Variants in CCDC192 observed in about 807,000 individuals in gnomAD.
CCDC192 encodes the protein coiled-coil domain containing 192, also known as coiled-coil domain-containing protein 192.
At chr5:127,771,601 G>C (rs1482637622) in intron 3 of CCDC192, among the ~76,000 whole-genome samples, 1 of 152,200 alleles carries the variant, frequency 6.6e-6, no homozygotes, top group East Asian at 1.9e-4. Context: ...AGAAATTACA[G>C]GAGCAAAGGC....
chr5:127,907,541 G>A (rs1239316041), intron 6 of CCDC192, among the ~76,000 whole-genome samples: 1 of 152,078 alleles, frequency 6.6e-6, no homozygotes, highest in Admixed American at 6.5e-5. Context: ...GTTAAAGTCT[G>A]ACATCTATTC....
intron 5 of CCDC192, among the ~76,000 whole-genome samples, chr5:127,867,310 G>C (rs1361383221): frequency 6.6e-6 from 1 of 152,172 alleles, no homozygotes; most frequent in Non-Finnish European, 1.5e-5. Flanking sequence ...GCTGGACACA[G>C]AAAAAGCAAA....
chr5:127,847,852 A>AATAC lies in CCDC192; in HGVS notation c.412-27682_412-27679dup, dbSNP rs1554080659. On this transcript the variant is annotated intron_variant, in intron 5 of 6. Transcript: ENST00000514853. Reference sequence around the variant, plus strand: ...AAATAAATAAATAAATAAATAAATAAATACATAAATAAATGCTCACTGCAA... The same window carrying AATAC: ...AAATAAATAAATAAATAAATAAATAAATACATACATAAATAAATGCTCACTGCAA... Among the ~76,000 whole-genome samples, 35 of 151,278 alleles carry AATAC rather than the reference A, an allele frequency of 2.3e-4. No individual in the cohort carries two copies. The East Asian group carries it at 2.7e-3, about 12-fold the overall frequency.
At chr5:127,798,491 A>G (rs1461755740) in intron 5 of CCDC192, among the ~76,000 whole-genome samples, 1 of 152,136 alleles carries the variant, frequency 6.6e-6, no homozygotes, top group East Asian at 1.9e-4. Context: ...GAGATGTGGT[A>G]ATTATTGACC....
chr5:127,725,297 T>C (rs1177648403), intron 2 of CCDC192, among the ~76,000 whole-genome samples: 1 of 152,302 alleles, frequency 6.6e-6, no homozygotes, highest in South Asian at 2.1e-4. Flanking sequence ...TAGGAAATCA[T>C]GATCTAAAGA....
Position 127,799,028 on chromosome 5 carries a change from G to T in CCDC192, c.411+866G>T, listed in dbSNP as rs1486252456. Among the ~76,000 whole-genome samples the T allele has an allele frequency of 7.2e-5, 11 of 152,244 alleles. No individual in the cohort carries two copies. The South Asian group carries it at 1.9e-3, about 26-fold the overall frequency. The stretch of plus-strand genomic sequence containing the variant: ...CAAATGCCTTAGACATCTCCTCAAA[G>T]ACTTGATTGCCATCCTTTTGGTCAT... On this transcript the variant is annotated intron_variant, in intron 5 of 6. Transcript: ENST00000514853.
At chr5:127,828,702 C>T (rs1360299714) in intron 5 of CCDC192, among the ~76,000 whole-genome samples, 1 of 152,020 alleles carries the variant, frequency 6.6e-6, no homozygotes, top group Non-Finnish European at 1.5e-5. Flanking sequence ...GTGGGGAGGT[C>T]TCTCAGAAGA....
intron 2 of CCDC192, among the ~76,000 whole-genome samples, chr5:127,736,824 T>C (rs1478997601): frequency 6.7e-6 from 1 of 150,194 alleles, no homozygotes; most frequent in Non-Finnish European, 1.5e-5. Context: ...CTCTCTTTTT[T>C]TCTTTATTAG....
chr5:127,909,202 G>GA (rs1753278357), intron 6 of CCDC192, among the ~76,000 whole-genome samples: 6 of 152,138 alleles, frequency 3.9e-5, no homozygotes, highest in Non-Finnish European at 8.8e-5. Flanking sequence ...TACACACCCA[G>GA]GTGGGTCTGG....
intron 6 of CCDC192, among the ~76,000 whole-genome samples, chr5:127,919,195 C>G (rs909557759): frequency 6.6e-6 from 1 of 151,818 alleles, no homozygotes; most frequent in Non-Finnish European, 1.5e-5. Flanking sequence ...TCCAGTTTGA[C>G]TACTCTGGAT....
At chr5:127,884,077 G>A (rs1295482638) in intron 6 of CCDC192, among the ~76,000 whole-genome samples, 1 of 152,046 alleles carries the variant, frequency 6.6e-6, no homozygotes, top group African/African-American at 2.4e-5. Context: ...TTCAGTAACA[G>A]AGGCATGATT....
At chr5:127,793,205 G>A (rs377757858) in intron 3 of CCDC192, among the ~76,000 whole-genome samples, 3 of 152,134 alleles carry the variant, frequency 2.0e-5, no homozygotes, top group African/African-American at 7.2e-5. Flanking sequence ...GTGAGTTGTG[G>A]AATTAAGACT....
At chr5:127,824,624 A>G (rs1749439406) in intron 5 of CCDC192, among the ~76,000 whole-genome samples, 1 of 152,138 alleles carries the variant, frequency 6.6e-6, no homozygotes, top group African/African-American at 2.4e-5. Flanking sequence ...AAGATTTTGG[A>G]TATCATTAAA....
chr5:127,717,928 C>CAAAAAAAAAA, intron 2 of CCDC192, among the ~76,000 whole-genome samples: 23 of 98,024 alleles, frequency 2.3e-4, no homozygotes, highest in East Asian at 8.8e-4. Context: ...TAAAGCTAGA[C>CAAAAAAAAAA]AAAAAAAAAA....
chr5:127,762,507 G>A (rs1580615198), intron 3 of CCDC192, among the ~76,000 whole-genome samples: 1 of 152,298 alleles, frequency 6.6e-6, no homozygotes, highest in South Asian at 2.1e-4. Context: ...ATAGAAGCTG[G>A]TGAAGAGATG....
At chr5:127,890,455 A>T (rs901074924) in intron 6 of CCDC192, among the ~76,000 whole-genome samples, 1 of 142,238 alleles carries the variant, frequency 7.0e-6, no homozygotes, top group Non-Finnish European at 1.5e-5. Context: ...CCTGTATTTA[A>T]AAAAAAAAAA....
chr5:127,912,419 C>CAAGAAAAAAAA (rs1753397390), intron 6 of CCDC192, among the ~76,000 whole-genome samples: 1 of 81,452 alleles, frequency 1.2e-5, no homozygotes, highest in Non-Finnish European at 2.2e-5. Flanking sequence ...CTGGGTTTAG[C>CAAGAAAAAAAA]AAAAAAAAAA....
intron 5 of CCDC192, among the ~76,000 whole-genome samples, chr5:127,838,080 G>T (rs1037535054): frequency 5.9e-5 from 9 of 152,168 alleles, no homozygotes; most frequent in Non-Finnish European, 1.0e-4. Flanking sequence ...GCAAAGAGAC[G>T]TTATCTACCC....
chr5:127,775,929 C>T (rs1755832101), intron 3 of CCDC192, among the ~76,000 whole-genome samples: 1 of 152,172 alleles, frequency 6.6e-6, no homozygotes, highest in African/African-American at 2.4e-5. Context: ...TGAGGCCTCC[C>T]CAGCCATGTG....
Sources: allele counts gnomAD v4.1 joint callset (sites outside exome capture counted in the v4.1 genomes callset), GRCh38; gene constraint gnomAD v4.1.1; transcripts MANE v1.5; gene names NCBI Gene and HGNC (gene_info 2026-07-23, HGNC 2026-07-21).